RANGAP1: variants seen among roughly 807,000 people sequenced by gnomAD.
The protein encoded by RANGAP1 is Ran GTPase activating protein 1.
A neutral mutation model predicts 63.5 loss-of-function variants in RANGAP1; 38 were observed. That is an observed-to-expected ratio of 0.60 (90% CI 0.46 to 0.78). The LOEUF (loss-of-function observed/expected upper bound fraction) is 0.78, where lower values mean the gene tolerates loss of function less well. RANGAP1 is among the 30% of genes least tolerant of loss of function. The pLI is 0.00. For synonymous variants in RANGAP1, 329 were observed against 310.5 expected (o/e 1.06, Z -0.63); for missense variants, 630 against 740.3 (o/e 0.85, Z 1.73).
chr22:41,266,111 A>C (rs891336125), intron 4 of RANGAP1, among the ~76,000 whole-genome samples: 52 of 151,768 alleles, frequency 3.4e-4, no homozygotes, highest in Admixed American at 2.6e-3. Context: ...CTGAGGCAGG[A>C]GAATGGCATG....
At chr22:41,250,581 A>C (rs2033376581) in intron 13 of RANGAP1, among the ~76,000 whole-genome samples, 2 of 152,256 alleles carry the variant, frequency 1.3e-5, no homozygotes, top group African/African-American at 4.8e-5. Context: ...GCTCCAAGGA[A>C]GCCCCCATAA....
upstream of RANGAP1, among the ~76,000 whole-genome samples, chr22:41,287,884 G>A (rs1426905026): frequency 1.3e-5 from 2 of 152,000 alleles, no homozygotes; most frequent in African/African-American, 4.8e-5. Context: ...TACTCGGGAG[G>A]CTGAGGCAGA....
chr22:41,275,650 A>T (rs2035092090), intron 2 of RANGAP1, among the ~76,000 whole-genome samples: 1 of 151,424 alleles, frequency 6.6e-6, no homozygotes, highest in East Asian at 1.9e-4. Flanking sequence ...GTGATGGCAC[A>T]TGCCTGTAAT....
At chr22:41,265,829 A>G (rs1433086132) in intron 4 of RANGAP1, among the ~76,000 whole-genome samples, 1 of 152,188 alleles carries the variant, frequency 6.6e-6, no homozygotes. Context: ...GATATGGCAG[A>G]TGAGGCAGTT....
chr22:41,292,858 C>T, the RANGAP1 span, among the ~76,000 whole-genome samples: 1 of 152,058 alleles, frequency 6.6e-6, no homozygotes, highest in Non-Finnish European at 1.5e-5. Flanking sequence ...ATTCCCAACA[C>T]CTTGGGAGGC....
At chr22:41,296,814 G>T in the RANGAP1 span, among the ~76,000 whole-genome samples, 3 of 152,112 alleles carry the variant, frequency 2.0e-5, no homozygotes, top group South Asian at 2.1e-4. Flanking sequence ...TAAGGAATTG[G>T]CTCATGTAAG....
chr22:41,282,035 G>T (rs2035521461), intron 1 of RANGAP1: 1 of 152,202 alleles, frequency 6.6e-6, no homozygotes, highest in South Asian at 2.1e-4. Flanking sequence ...GAGGTGGGAG[G>T]ATTGATTGAG....
the RANGAP1 span, among the ~76,000 whole-genome samples, chr22:41,292,962 G>A: frequency 7.3e-5 from 11 of 151,416 alleles, no homozygotes; most frequent in African/African-American, 1.7e-4. Flanking sequence ...CTAGCCGGGC[G>A]CGGTGGCTCA....
chr22:41,268,091 G>A lies in RANGAP1; in HGVS notation c.300+6C>T, dbSNP rs1237181213. 7 of 1,545,600 alleles carry A rather than the reference G, an allele frequency of 4.5e-6. No homozygotes were observed. Among genetic ancestry groups the A allele is most frequent in the African/African-American group, 2.7e-5 (2 of 73,050 alleles). ...CGTGGAGGGGAAGAGCGGCTAGTTC[G>A]CTTACCAGGGCTGGTGGGATCTCGG... On this transcript the variant is annotated splice_donor_region_variant and intron_variant, in intron 4 of 15. Transcript: ENST00000356244.
chr22:41,274,787 A>G (rs1601690936), intron 2 of RANGAP1, 60 bp from the exon 3 acceptor site: 1 of 1,600,754 alleles, frequency 6.2e-7, no homozygotes, highest in East Asian at 2.2e-5. Context: ...CTAAGATAGG[A>G]GAGAGGTTGG....
At chr22:41,279,573 C>A (rs2035369552) in intron 2 of RANGAP1, among the ~76,000 whole-genome samples, 1 of 151,496 alleles carries the variant, frequency 6.6e-6, no homozygotes, top group African/African-American at 2.4e-5. Context: ...TGAACCCAGG[C>A]AGAGGTTAAA....
intron 5 of RANGAP1, among the ~76,000 whole-genome samples, chr22:41,264,268 T>C (rs2034335774): frequency 7.3e-6 from 1 of 136,620 alleles, no homozygotes; most frequent in African/African-American, 2.8e-5. Flanking sequence ...TGTCTAGGAA[T>C]AAAGGTGAGC....
intron 1 of RANGAP1, among the ~76,000 whole-genome samples, chr22:41,284,178 T>A (rs975668902): frequency 2.0e-5 from 3 of 149,128 alleles, no homozygotes; most frequent in Non-Finnish European, 3.0e-5. Flanking sequence ...ACCCGGTAGG[T>A]GGAGCTTGCA....
chr22:41,268,266 T>C, intron 3 of RANGAP1, 110 bp from the exon 4 acceptor site: 1 of 956,976 alleles, frequency 1.0e-6, no homozygotes, highest in Non-Finnish European at 1.6e-6. Flanking sequence ...ACTTTTTTCT[T>C]TTTTTTGAGA....
intron 3 of RANGAP1, 100 bp downstream of exon 3, chr22:41,274,500 G>T (rs2035024594): frequency 1.3e-6 from 2 of 1,532,646 alleles, no homozygotes; most frequent in Admixed American, 3.7e-5. Flanking sequence ...CAGCCACACA[G>T]GCAGGGGCCT....
In RANGAP1 at chr22:41,255,885, T is replaced by C; in HGVS notation, c.1073+136A>G. 3.6e-6 allele frequency: 3 copies of C among 839,832 alleles called. 1 individual carries two copies. Among genetic ancestry groups the C allele is most frequent in the South Asian group, 3.4e-5 (2 of 59,054 alleles). 52.0% of individuals were successfully genotyped at this position (839,832 alleles called of 1,614,324 possible). On this transcript the variant is annotated intron_variant, in intron 10 of 15. Coordinates refer to ENST00000356244, the MANE Select transcript of RANGAP1 (RefSeq NM_002883.4). The stretch of plus-strand genomic sequence containing the variant: ...AGGGGAATCACTTGAACCCAGGAGG[T>C]GGAAGCTGCAGTGAGCCGAGATCAC...
At chr22:41,262,399 T>C (rs1601635908) in intron 5 of RANGAP1, among the ~76,000 whole-genome samples, 1 of 152,080 alleles carries the variant, frequency 6.6e-6, no homozygotes. Flanking sequence ...TGCTAGGGCC[T>C]GGGCATCCTT....
At chr22:41,288,797 G>A (rs2035802468), upstream of RANGAP1, among the ~76,000 whole-genome samples, 1 of 152,064 alleles carries the variant, frequency 6.6e-6, no homozygotes, top group Non-Finnish European at 1.5e-5. Flanking sequence ...GGGCTTGGTG[G>A]GGCTTGGGGG....
intron 3 of RANGAP1, among the ~76,000 whole-genome samples, chr22:41,271,100 C>A (rs959336209): frequency 1.3e-5 from 2 of 152,100 alleles, no homozygotes; most frequent in Non-Finnish European, 2.9e-5. Context: ...CAGTTAAGAG[C>A]TTGCTTGGGT....
Sources: allele counts gnomAD v4.1 joint callset (sites outside exome capture counted in the v4.1 genomes callset), GRCh38; gene constraint gnomAD v4.1.1; transcripts MANE v1.5; gene names NCBI Gene and HGNC (gene_info 2026-07-23, HGNC 2026-07-21).